The following PGCKA1 variants were observed in gnomAD, a reference collection of about 807,000 sequenced individuals.
PGCKA1 encodes the protein PDCD10 and GCKIII kinases-associated protein 1.
At chr4:37,563,365 C>T in the PGCKA1 span, among the ~76,000 whole-genome samples, 272 of 152,238 alleles carry the variant, frequency 1.8e-3, no homozygotes, top group African/African-American at 6.2e-3. Flanking sequence ...TCACTGTGTC[C>T]TCACGTGCCC....
the PGCKA1 span, among the ~76,000 whole-genome samples, chr4:37,486,349 A>G: frequency 6.6e-6 from 1 of 152,276 alleles, no homozygotes; most frequent in South Asian, 2.1e-4. Flanking sequence ...GTTTCACACA[A>G]AACCAAGTCA....
At chr4:37,574,141 T>C in the PGCKA1 span, among the ~76,000 whole-genome samples, 1 of 151,294 alleles carries the variant, frequency 6.6e-6, no homozygotes, top group African/African-American at 2.4e-5. Context: ...TGAGCCAAGA[T>C]CATGCCACTA....
the PGCKA1 span, among the ~76,000 whole-genome samples, chr4:37,507,460 A>C: frequency 6.6e-6 from 1 of 152,012 alleles, no homozygotes; most frequent in Non-Finnish European, 1.5e-5. Context: ...TTTTGACTTT[A>C]GGTTACCATC....
the PGCKA1 span, among the ~76,000 whole-genome samples, chr4:37,515,991 T>A: frequency 1.5e-5 from 2 of 135,858 alleles, no homozygotes; most frequent in Non-Finnish European, 2.9e-5. Context: ...CTTTTTTTTA[T>A]ATATAAAATG....
the PGCKA1 span, among the ~76,000 whole-genome samples, chr4:37,464,955 A>T: frequency 1.3e-5 from 2 of 152,246 alleles, no homozygotes; most frequent in Admixed American, 6.5e-5. Context: ...TGCTGAAATG[A>T]TCACAGTATA....
chr4:37,550,927 A>G, the PGCKA1 span, among the ~76,000 whole-genome samples: 3 of 152,236 alleles, frequency 2.0e-5, no homozygotes, highest in Admixed American at 2.0e-4. Flanking sequence ...ATTATTGGAC[A>G]ATATTGCATA....
chr4:37,575,702 T>G, the PGCKA1 span, among the ~76,000 whole-genome samples: 1 of 152,108 alleles, frequency 6.6e-6, no homozygotes, highest in African/African-American at 2.4e-5. Context: ...GACTTTCCCT[T>G]GTCTTCTTGT....
the PGCKA1 span, among the ~76,000 whole-genome samples, chr4:37,564,320 A>G: frequency 6.6e-6 from 1 of 151,752 alleles, no homozygotes; most frequent in Non-Finnish European, 1.5e-5. Flanking sequence ...ATTCTCGCAG[A>G]CAATTGCCAT....
chr4:37,551,736 C>A, the PGCKA1 span, among the ~76,000 whole-genome samples: 1 of 152,180 alleles, frequency 6.6e-6, no homozygotes, highest in Non-Finnish European at 1.5e-5. Context: ...TGGTTCCCAG[C>A]ACTAGAAAAA....
At chr4:37,508,683 C>CTTTTTTTT in the PGCKA1 span, among the ~76,000 whole-genome samples, 4 of 84,850 alleles carry the variant, frequency 4.7e-5, no homozygotes, top group African/African-American at 2.0e-4. Context: ...TTTGCTGAAT[C>CTTTTTTTT]TTTTTTTTAG....
the PGCKA1 span, among the ~76,000 whole-genome samples, chr4:37,472,449 C>T: frequency 3.9e-5 from 6 of 152,234 alleles, no homozygotes; most frequent in East Asian, 1.2e-3. Flanking sequence ...ATATGTCTTC[C>T]TTTGAGCCTG....
the PGCKA1 span, among the ~76,000 whole-genome samples, chr4:37,523,806 AT>A: frequency 1.3e-5 from 2 of 152,182 alleles, no homozygotes; most frequent in East Asian, 3.9e-4. Context: ...GGTGCGGGCC[AT>A]CTTCCCAGTT....
At chr4:37,543,429 T>C in the PGCKA1 span, among the ~76,000 whole-genome samples, 1 of 152,204 alleles carries the variant, frequency 6.6e-6, no homozygotes, top group Non-Finnish European at 1.5e-5. Flanking sequence ...AAAGGGCTTG[T>C]TTCTCATTTA....
chr4:37,531,891 C>CAAAAAA, the PGCKA1 span, among the ~76,000 whole-genome samples: 1 of 70,936 alleles, frequency 1.4e-5, no homozygotes, highest in Non-Finnish European at 3.1e-5. Context: ...GAATCTGTCT[C>CAAAAAA]AAAAAAAAAA....
chr4:37,460,310 A>G, the PGCKA1 span: 1 of 213,750 alleles, frequency 4.7e-6, no homozygotes, highest in Admixed American at 5.7e-5. Flanking sequence ...ATGTGCATGT[A>G]TCTTTATAAT....
chr4:37,479,935 A>G, the PGCKA1 span, among the ~76,000 whole-genome samples: 1 of 152,350 alleles, frequency 6.6e-6, no homozygotes. Context: ...TAAGCAAGAG[A>G]CATAGGCAAT....
At chr4:37,568,993 A>G in the PGCKA1 span, among the ~76,000 whole-genome samples, 1 of 151,524 alleles carries the variant, frequency 6.6e-6, no homozygotes, top group Non-Finnish European at 1.5e-5. Context: ...GCTACTCAGG[A>G]GGCTGAGGTG....
the PGCKA1 span, chr4:37,590,358 C>T: frequency 1.8e-5 from 29 of 1,613,580 alleles, no homozygotes; most frequent in Middle Eastern, 1.6e-4. Flanking sequence ...TCAACGGCAT[C>T]GGCCCTGCTG....
At chr4:37,477,837 C>A in the PGCKA1 span, among the ~76,000 whole-genome samples, 5 of 152,020 alleles carry the variant, frequency 3.3e-5, no homozygotes, top group African/African-American at 1.2e-4. Flanking sequence ...AAAATATGTA[C>A]AGATTGGGAA....
Sources: gnomAD v4.1 joint callset for allele counts (sites outside exome capture counted in the v4.1 genomes callset) on GRCh38, gnomAD v4.1.1 for gene constraint, MANE v1.5 for transcripts, NCBI Gene and HGNC (gene_info 2026-07-23, HGNC 2026-07-21) for gene names.